The following THRB variants were observed in gnomAD, a reference collection of about 807,000 sequenced individuals.
THRB encodes nuclear receptor subfamily 1 group A member 2.
In THRB, 12 loss-of-function variants were observed where a neutral mutation model predicts 47.8. The ratio of observed to expected loss-of-function variants is 0.25; its 90% CI spans 0.16 to 0.41. The LOEUF (loss-of-function observed/expected upper bound fraction) is 0.41. Among genes scored for constraint, THRB ranks in the 10% least tolerant of loss-of-function variants. The pLI is 1.00. For missense variants in THRB, 348 were observed against 589.2 expected (o/e 0.59, Z 4.24); for synonymous variants, 218 against 212.2 (o/e 1.03, Z -0.24).
intron 3 of THRB, among the ~76,000 whole-genome samples, chr3:24,247,649 A>G (rs992943301): frequency 5.3e-5 from 8 of 152,152 alleles, no homozygotes; most frequent in African/African-American, 1.7e-4. Flanking sequence ...ACCTCATTTT[A>G]TCATCTCTTT....
At chr3:24,344,818 T>A (rs1379356969) in intron 1 of THRB, among the ~76,000 whole-genome samples, 3 of 152,082 alleles carry the variant, frequency 2.0e-5, no homozygotes, top group African/African-American at 7.2e-5. Flanking sequence ...TTTCATTTTT[T>A]AAAAAGTTAG....
intron 1 of THRB, among the ~76,000 whole-genome samples, chr3:24,376,660 C>A (rs992701108): frequency 1.3e-5 from 2 of 151,924 alleles, no homozygotes; most frequent in Non-Finnish European, 2.9e-5. Context: ...AAAGGCAATG[C>A]CTTAGAAGGA....
intron 5 of THRB, among the ~76,000 whole-genome samples, chr3:24,170,392 T>C (rs1227400200): frequency 6.6e-6 from 1 of 152,182 alleles, no homozygotes; most frequent in Non-Finnish European, 1.5e-5. Context: ...TGGCCCACTT[T>C]AATATTTTCT....
chr3:24,435,645 C>T (rs2070868501), intron 1 of THRB, among the ~76,000 whole-genome samples: 1 of 152,168 alleles, frequency 6.6e-6, no homozygotes, highest in Admixed American at 6.5e-5. Context: ...GAAGCTTTCC[C>T]ATATTCCCAC....
At position 24,122,689 on chromosome 3, in the gene THRB, G is replaced by A. The variant is rs149091062; in HGVS notation, c.*195C>T. 1.9e-3 allele frequency: 1,306 copies of A among 698,384 alleles called. 10 individuals are homozygous for A. Among genetic ancestry groups the A allele is most frequent in the African/African-American group, 0.018 (1,034 of 56,194 alleles). The allele number at this position is 698,384 out of a possible 1,614,324, so 43.3% of individuals were successfully genotyped here. ...TTCAGAGCATTCACATCACAGGACC[G>A]GAGAACGAAATGCAATAGTTTCAAG... is the stretch of plus-strand genomic sequence containing the variant. On this transcript the variant is annotated 3_prime_UTR_variant, in exon 11 of 11. Coordinates refer to ENST00000646209, the MANE Select transcript of THRB (RefSeq NM_001354712.2).
At chr3:24,201,774 TGG>T (rs2044624025) in intron 4 of THRB, among the ~76,000 whole-genome samples, 2 of 152,218 alleles carry the variant, frequency 1.3e-5, no homozygotes, top group Admixed American at 1.3e-4. Flanking sequence ...TTGGTAAATT[TGG>T]TTCATAAAAT....
chr3:24,271,127 TA>T, intron 3 of THRB, among the ~76,000 whole-genome samples: 1 of 152,332 alleles, frequency 6.6e-6, no homozygotes, highest in South Asian at 2.1e-4. Context: ...AGAAAGGCAG[TA>T]AAAAAGTTCT....
At chr3:24,274,490 G>C (rs2053696128) in intron 3 of THRB, among the ~76,000 whole-genome samples, 1 of 152,144 alleles carries the variant, frequency 6.6e-6, no homozygotes, top group Non-Finnish European at 1.5e-5. Context: ...CAAGAAGCCA[G>C]GAATGAGTAT....
intron 5 of THRB, among the ~76,000 whole-genome samples, chr3:24,170,422 T>C (rs1329593324): frequency 6.6e-6 from 1 of 152,158 alleles, no homozygotes; most frequent in Non-Finnish European, 1.5e-5. Flanking sequence ...CACCAAAGAG[T>C]GATGTTTTAC....
intron 1 of THRB, among the ~76,000 whole-genome samples, chr3:24,376,343 AC>A (rs2065285289): frequency 6.6e-6 from 1 of 152,126 alleles, no homozygotes; most frequent in Non-Finnish European, 1.5e-5. Context: ...GGGAAGTGGA[AC>A]CCAGAGAGCA....
chr3:24,439,398 G>A (rs896859359), intron 1 of THRB, among the ~76,000 whole-genome samples: 8 of 152,082 alleles, frequency 5.3e-5, no homozygotes, highest in South Asian at 2.1e-4. Flanking sequence ...ATTTAGAGCC[G>A]GACGCCCTCT....
At chr3:24,298,067 C>T (rs544695216) in intron 2 of THRB, among the ~76,000 whole-genome samples, 73 of 152,308 alleles carry the variant, frequency 4.8e-4, no homozygotes, top group African/African-American at 1.7e-3. Context: ...TGTTCTAAAG[C>T]ATCGAATTTC....
At chr3:24,484,623 G>A (rs1697013988) in intron 1 of THRB, among the ~76,000 whole-genome samples, 1 of 152,050 alleles carries the variant, frequency 6.6e-6, no homozygotes, top group African/African-American at 2.4e-5. Flanking sequence ...GGGCTACCAG[G>A]GGTTAATAAA....
chr3:24,449,765 T>G (rs997237540), intron 1 of THRB, among the ~76,000 whole-genome samples: 10 of 152,174 alleles, frequency 6.6e-5, no homozygotes, highest in Non-Finnish European at 1.3e-4. Context: ...GTGAAAAGCT[T>G]TTCTGTGCTA....
chr3:24,325,409 G>A (rs188719269), intron 2 of THRB, among the ~76,000 whole-genome samples: 66 of 152,320 alleles, frequency 4.3e-4, no homozygotes, highest in African/African-American at 1.3e-3. Context: ...AGGAGAGGCC[G>A]GGTGCAGTGG....
At chr3:24,238,278 T>TGGGGGGG (rs67450132) in intron 3 of THRB, among the ~76,000 whole-genome samples, 1 of 29,966 alleles carries the variant, frequency 3.3e-5, no homozygotes, top group Non-Finnish European at 8.0e-5. Context: ...TGTGTGTGTG[T>TGGGGGGG]GGGGGGGGGG....
intron 1 of THRB, among the ~76,000 whole-genome samples, chr3:24,354,170 A>C (rs1450539646): frequency 6.6e-6 from 1 of 152,190 alleles, no homozygotes; most frequent in Non-Finnish European, 1.5e-5. Flanking sequence ...TAGGAGCTAA[A>C]TGATGAAAAT....
At chr3:24,269,443 T>TA (rs1576431988) in intron 3 of THRB, among the ~76,000 whole-genome samples, 1 of 105,598 alleles carries the variant, frequency 9.5e-6, no homozygotes, top group Non-Finnish European at 1.9e-5. Context: ...ACACACACAC[T>TA]TAAGTTATCT....
At chr3:24,479,785 C>T (rs944788539) in intron 1 of THRB, among the ~76,000 whole-genome samples, 3 of 152,158 alleles carry the variant, frequency 2.0e-5, no homozygotes, top group Non-Finnish European at 2.9e-5. Flanking sequence ...GCTGGTGCCT[C>T]GACTATACTC....
Sources: allele counts gnomAD v4.1 joint callset (sites outside exome capture counted in the v4.1 genomes callset), GRCh38; gene constraint gnomAD v4.1.1; transcripts MANE v1.5; gene names NCBI Gene and HGNC (gene_info 2026-07-23, HGNC 2026-07-21).